EYS: variants seen among roughly 807,000 people sequenced by gnomAD.
The protein encoded by EYS is EGF-like photoreceptor maintenance factor.
EYS carries 250 observed loss-of-function variants against 282.1 expected under a neutral mutation model. That is an observed-to-expected ratio of 0.89 (90% CI 0.80 to 0.98). EYS has a LOEUF of 0.98. Ranked by LOEUF, EYS falls within the 50% of genes least tolerant of loss-of-function variation. The probability of loss-of-function intolerance (pLI) is 0.00; values close to 1 mark genes in which losing one functional copy is unlikely to be tolerated. For missense variants in EYS, 4,016 were observed against 3,709.0 expected, an observed-to-expected ratio of 1.08 and a Z score of -2.15; for synonymous variants, 1,355 against 1,282.9, an observed-to-expected ratio of 1.06 and a Z score of -1.20.
chr6:65,367,350 G>A (rs1488383130), intron 8 of EYS, among the ~76,000 whole-genome samples: 1 of 151,532 alleles, frequency 6.6e-6, no homozygotes, highest in East Asian at 1.9e-4. Context: ...ACCTTATTTT[G>A]TTTTTCTTTC....
chr6:65,615,398 AT>A (rs912187141), intron 2 of EYS, among the ~76,000 whole-genome samples: 1 of 146,900 alleles, frequency 6.8e-6, no homozygotes, highest in African/African-American at 2.5e-5. Flanking sequence ...ATATATATAT[AT>A]ATGTGTGTGT....
At chr6:64,174,903 C>A (rs1419750867) in intron 31 of EYS, among the ~76,000 whole-genome samples, 7 of 151,862 alleles carry the variant, frequency 4.6e-5, no homozygotes, top group African/African-American at 1.7e-4. Context: ...TTAATAAGAA[C>A]TCATGTTGGA....
chr6:64,587,200 A>G (rs1766260219), intron 26 of EYS, among the ~76,000 whole-genome samples: 1 of 151,744 alleles, frequency 6.6e-6, no homozygotes, highest in Non-Finnish European at 1.5e-5. Context: ...TTTTTTTTCT[A>G]GTGGTCCAAT....
At chr6:63,948,344 C>T (rs1403455195) in intron 35 of EYS, among the ~76,000 whole-genome samples, 5 of 152,168 alleles carry the variant, frequency 3.3e-5, no homozygotes, top group African/African-American at 1.2e-4. Context: ...CTTATCTTTG[C>T]CTTTTGTGCA....
intron 15 of EYS, among the ~76,000 whole-genome samples, chr6:64,944,160 G>A (rs909201797): frequency 2.0e-4 from 31 of 152,064 alleles, no homozygotes; most frequent in Non-Finnish European, 4.0e-4. Flanking sequence ...AAAATTGGCT[G>A]TCCATATGCA....
At chr6:64,807,059 G>A (rs563522427) in intron 22 of EYS, among the ~76,000 whole-genome samples, 24 of 152,214 alleles carry the variant, frequency 1.6e-4, no homozygotes, top group African/African-American at 4.8e-4. Context: ...TGCTATTAAA[G>A]TGTTACACAT....
chr6:64,811,472 A>G (rs1178616891), intron 22 of EYS, among the ~76,000 whole-genome samples: 1 of 151,814 alleles, frequency 6.6e-6, no homozygotes, highest in East Asian at 1.9e-4. Flanking sequence ...TTTCCCTAAA[A>G]GGAATATTTA....
At chr6:63,842,458 G>C (rs1771986226) in intron 36 of EYS, among the ~76,000 whole-genome samples, 1 of 151,988 alleles carries the variant, frequency 6.6e-6, no homozygotes. Flanking sequence ...GATGGGGCTT[G>C]TTTTTTTCTT....
rs1449908597 is a variant in EYS at position 65,064,454 on chromosome 6, TATG to T, written c.2024-6730_2024-6728del. On this transcript the variant is annotated intron_variant, in intron 12 of 42. Transcript: ENST00000503581. Reference sequence around the variant, plus strand: ...TATATCATATATACTATATACTGTATATGATATGATATATAGTATATGATATAT... The same window carrying T: ...TATATCATATATACTATATACTGTATATATGATATATAGTATATGATATAT... Among the ~76,000 whole-genome samples, 12 of 146,062 alleles carry T rather than the reference TATG, an allele frequency of 8.2e-5. No individual in the cohort carries two copies. In the South Asian group the frequency reaches 2.3e-3, roughly 28 times the overall value.
intron 21 of EYS, chr6:64,815,279 A>G (rs1764714845): frequency 2.4e-6 from 1 of 410,528 alleles, no homozygotes; most frequent in South Asian, 1.8e-5. Flanking sequence ...TCCTGTAGGT[A>G]TTGCAGTTTT....
At chr6:64,782,290 C>T (rs1007607723) in intron 22 of EYS, among the ~76,000 whole-genome samples, 1 of 152,154 alleles carries the variant, frequency 6.6e-6, no homozygotes, top group African/African-American at 2.4e-5. Context: ...CACTGTGAAC[C>T]TTCCAGAATA....
At chr6:64,668,482 G>A (rs547930516) in intron 22 of EYS, among the ~76,000 whole-genome samples, 1 of 148,560 alleles carries the variant, frequency 6.7e-6, no homozygotes, top group South Asian at 2.1e-4. Flanking sequence ...TCCTTTTTTA[G>A]TGTCTTATTT....
intron 31 of EYS, among the ~76,000 whole-genome samples, chr6:64,134,188 C>T (rs1231503083): frequency 6.6e-6 from 1 of 151,920 alleles, no homozygotes; most frequent in Non-Finnish European, 1.5e-5. Flanking sequence ...TTTATTTTTA[C>T]TTCACTAAGA....
At chr6:63,755,104 G>T (rs1349961659) in intron 41 of EYS, among the ~76,000 whole-genome samples, 4 of 151,962 alleles carry the variant, frequency 2.6e-5, no homozygotes, top group Admixed American at 2.6e-4. Context: ...TTTTTCAGAT[G>T]GATAGATTGA....
chr6:64,032,757 T>C (rs1414152858), intron 33 of EYS, among the ~76,000 whole-genome samples: 2 of 152,202 alleles, frequency 1.3e-5, no homozygotes, highest in Non-Finnish European at 2.9e-5. Flanking sequence ...TTATAAAGGA[T>C]ACTACTCAAG....
chr6:64,131,274 G>A (rs368049436), intron 31 of EYS, among the ~76,000 whole-genome samples: 1 of 152,298 alleles, frequency 6.6e-6, no homozygotes, highest in East Asian at 1.9e-4. Flanking sequence ...TCCTTATGGA[G>A]TATTTACTAT....
At chr6:64,095,268 G>C (rs1013848748) in intron 31 of EYS, among the ~76,000 whole-genome samples, 20 of 152,278 alleles carry the variant, frequency 1.3e-4, no homozygotes, top group Non-Finnish European at 2.5e-4. Flanking sequence ...TGTCTCTTAG[G>C]TCCATTTGGT....
At chr6:65,611,427 G>A (rs564165124) in intron 2 of EYS, among the ~76,000 whole-genome samples, 1 of 151,902 alleles carries the variant, frequency 6.6e-6, no homozygotes, top group East Asian at 1.9e-4. Context: ...ATATAAGAAA[G>A]ACTATTTCTT....
intron 11 of EYS, among the ~76,000 whole-genome samples, chr6:65,315,397 AAAT>A (rs1582133054): frequency 6.6e-6 from 1 of 152,146 alleles, no homozygotes; most frequent in East Asian, 1.9e-4. Flanking sequence ...TCAAGTTAAA[AAAT>A]AATATTTCCA....
Sources: gnomAD v4.1 joint callset for allele counts (sites outside exome capture counted in the v4.1 genomes callset) on GRCh38, gnomAD v4.1.1 for gene constraint, MANE v1.5 for transcripts, NCBI Gene and HGNC (gene_info 2026-07-23, HGNC 2026-07-21) for gene names.